MEGF11: variants seen among roughly 807,000 people sequenced by gnomAD.
MEGF11 encodes multiple EGF like domains 11.
A neutral mutation model predicts 146.6 loss-of-function variants in MEGF11; 126 were observed. The ratio of observed to expected loss-of-function variants is 0.86; its 90% confidence interval spans 0.74 to 1.00. MEGF11 has a LOEUF of 1.00. Ranked by LOEUF, MEGF11 falls within the 50% of genes least tolerant of loss-of-function variation. The pLI is 0.00. For synonymous variants in MEGF11, 532 were observed against 583.4 expected (o/e 0.91, Z 1.27); for missense variants, 1,509 against 1,521.2 (o/e 0.99, Z 0.13).
intron 9 of MEGF11, among the ~76,000 whole-genome samples, chr15:65,958,466 ACCATGTG>A (rs1276749723): frequency 6.6e-6 from 1 of 152,146 alleles, no homozygotes; most frequent in Non-Finnish European, 1.5e-5. Flanking sequence ...GCCAGTTGTA[ACCATGTG>A]CTGTTCAGAA....
At chr15:66,231,318 C>G (rs574169450) in intron 1 of MEGF11, among the ~76,000 whole-genome samples, 10 of 152,020 alleles carry the variant, frequency 6.6e-5, no homozygotes, top group African/African-American at 1.9e-4. Flanking sequence ...ATGAACCCCC[C>G]TGAGGGCTGA....
At chr15:66,206,784 T>C (rs1387097046) in intron 1 of MEGF11, among the ~76,000 whole-genome samples, 2 of 152,102 alleles carry the variant, frequency 1.3e-5, no homozygotes, top group African/African-American at 4.8e-5. Flanking sequence ...ACGCCTGTAG[T>C]CCCAGCTACT....
At chr15:66,156,192 C>T (rs2089752795) in intron 1 of MEGF11, among the ~76,000 whole-genome samples, 1 of 152,094 alleles carries the variant, frequency 6.6e-6, no homozygotes, top group South Asian at 2.1e-4. Context: ...CACATGGGTC[C>T]TCTCACAGCA....
At chr15:65,919,067 T>G (rs1006367633) in intron 15 of MEGF11, among the ~76,000 whole-genome samples, 1 of 152,348 alleles carries the variant, frequency 6.6e-6, no homozygotes, top group South Asian at 2.1e-4. Flanking sequence ...CCCAGGTCTC[T>G]CACATCTTGG....
chr15:65,899,099 C>G (rs946198289), intron 24 of MEGF11, among the ~76,000 whole-genome samples, 165 bp from the exon 25 acceptor site: 2 of 152,154 alleles, frequency 1.3e-5, no homozygotes, highest in Non-Finnish European at 1.5e-5. Flanking sequence ...GAAGTGCTCT[C>G]CCAGGTAGGC....
chr15:66,042,957 A>G (rs931894913), intron 5 of MEGF11, among the ~76,000 whole-genome samples: 2 of 152,202 alleles, frequency 1.3e-5, no homozygotes, highest in African/African-American at 4.8e-5. Context: ...ATGCTTTTTT[A>G]GAGGGGACAT....
intron 4 of MEGF11, among the ~76,000 whole-genome samples, chr15:66,116,978 C>A (rs1439782001): frequency 6.6e-6 from 1 of 152,216 alleles, no homozygotes; most frequent in African/African-American, 2.4e-5. Flanking sequence ...CCAAGTTCTG[C>A]CACTTTCCAG....
chr15:66,060,625 C>T (rs932016175), intron 5 of MEGF11, among the ~76,000 whole-genome samples: 11 of 152,204 alleles, frequency 7.2e-5, no homozygotes, highest in Non-Finnish European at 1.5e-4. Context: ...CTGGGACCCC[C>T]CAAGGCACTT....
chr15:65,960,260 C>A (rs1267971680), intron 9 of MEGF11, among the ~76,000 whole-genome samples: 2 of 152,190 alleles, frequency 1.3e-5, no homozygotes, highest in African/African-American at 4.8e-5. Context: ...CTTACCAAAA[C>A]TGAGCATCTA....
At chr15:66,012,464 G>A (rs926843608) in intron 5 of MEGF11, among the ~76,000 whole-genome samples, 2 of 152,138 alleles carry the variant, frequency 1.3e-5, no homozygotes, top group Non-Finnish European at 1.5e-5. Flanking sequence ...GTCTTCAAGC[G>A]CCTGCCCATG....
intron 5 of MEGF11, among the ~76,000 whole-genome samples, chr15:66,073,067 T>TTAGG: frequency 6.6e-6 from 1 of 152,200 alleles, no homozygotes; most frequent in East Asian, 1.9e-4. Flanking sequence ...AGAGGAGGAT[T>TTAGG]TAGGGGCTGG....
intron 10 of MEGF11, 138 bp downstream of exon 10, chr15:65,957,409 T>C: frequency 1.3e-6 from 1 of 784,420 alleles, no homozygotes. Flanking sequence ...TCAGGGGCTC[T>C]CCCCTCATGA....
At chr15:66,072,559 C>T (rs759355855) in intron 5 of MEGF11, among the ~76,000 whole-genome samples, 5 of 152,166 alleles carry the variant, frequency 3.3e-5, no homozygotes, top group African/African-American at 7.2e-5. Flanking sequence ...AAAACAGGTA[C>T]GCAGTAGGCC....
intron 5 of MEGF11, among the ~76,000 whole-genome samples, chr15:66,044,850 C>CAAAAAA (rs140901440): frequency 4.4e-5 from 4 of 90,694 alleles, no homozygotes; most frequent in African/African-American, 2.0e-4. Flanking sequence ...GACCTTATCT[C>CAAAAAA]AAAAAAAAAA....
intron 5 of MEGF11, among the ~76,000 whole-genome samples, chr15:66,050,420 G>A (rs1223004527): frequency 6.6e-6 from 1 of 152,218 alleles, no homozygotes; most frequent in Non-Finnish European, 1.5e-5. Flanking sequence ...CCTGAAGCGA[G>A]CAGTGAGCCA....
intron 7 of MEGF11, among the ~76,000 whole-genome samples, chr15:65,976,572 G>A (rs1360416613): frequency 1.3e-5 from 2 of 152,174 alleles, no homozygotes; most frequent in African/African-American, 2.4e-5. Context: ...GGCTCAGAAG[G>A]AACCAACGCT....
chr15:66,216,229 CTT>C (rs2091579463), intron 1 of MEGF11, among the ~76,000 whole-genome samples: 1 of 152,126 alleles, frequency 6.6e-6, no homozygotes, highest in South Asian at 2.1e-4. Context: ...CTGGAGGAGT[CTT>C]TGGGGGAAGG....
At chr15:66,120,968 G>T (rs912524860) in intron 3 of MEGF11, among the ~76,000 whole-genome samples, 16 of 152,194 alleles carry the variant, frequency 1.1e-4, no homozygotes, top group African/African-American at 3.9e-4. Flanking sequence ...GGGAAGCAAG[G>T]CCAGGTGCCA....
At chr15:66,008,548 G>T (rs543174866) in intron 5 of MEGF11, among the ~76,000 whole-genome samples, 16 of 152,226 alleles carry the variant, frequency 1.1e-4, no homozygotes, top group African/African-American at 3.1e-4. Context: ...GAGTTATAGG[G>T]CATGGTGGTT....
Sources: allele counts gnomAD v4.1 joint callset (sites outside exome capture counted in the v4.1 genomes callset), GRCh38; gene constraint gnomAD v4.1.1; transcripts MANE v1.5; gene names NCBI Gene and HGNC (gene_info 2026-07-23, HGNC 2026-07-21).